TMEM63C: variants seen among roughly 807,000 people sequenced by gnomAD.
TMEM63C encodes osmosensitive cation channel TMEM63C.
TMEM63C carries 32 observed loss-of-function variants against 99.2 expected under a neutral mutation model. The ratio of observed to expected loss-of-function variants is 0.32; its 90% CI spans 0.24 to 0.43. TMEM63C has a LOEUF of 0.43. Ranked by LOEUF, TMEM63C falls within the 20% of genes least tolerant of loss-of-function variation. The pLI is 1.00. For synonymous variants in TMEM63C, 376 were observed against 397.9 expected (o/e 0.94, Z 0.66); for missense variants, 826 against 1,053.0 (o/e 0.78, Z 2.98).
intron 1 of TMEM63C, among the ~76,000 whole-genome samples, chr14:77,209,687 G>A (rs1023352587): frequency 6.6e-6 from 1 of 152,192 alleles, no homozygotes; most frequent in Admixed American, 6.5e-5. Context: ...TACAATATAA[G>A]CTGGACTCAG....
chr14:77,240,127 C>A (rs1366888888), intron 12 of TMEM63C, among the ~76,000 whole-genome samples: 1 of 152,214 alleles, frequency 6.6e-6, no homozygotes. Flanking sequence ...ACTCAGACAC[C>A]TGCTTCAGGA....
In TMEM63C at chr14:77,233,398, G is replaced by A. The variant is rs370912142; in HGVS notation, c.494-54G>A. On this transcript the variant is annotated intron_variant, in intron 7 of 23. Coordinates refer to ENST00000298351, the MANE Select transcript of TMEM63C (RefSeq NM_020431.4). Reference sequence around the variant, plus strand: ...TTGTCCAGGAACCTTGAATTCTGGCGCCCCCAGCAACTGAGGAGCCAGGCT... The same window carrying A: ...TTGTCCAGGAACCTTGAATTCTGGCACCCCCAGCAACTGAGGAGCCAGGCT... 4.9e-5 allele frequency: 77 copies of A among 1,583,930 alleles called. 1 individual carries two copies. The highest frequency in any genetic ancestry group is 4.1e-4 in the South Asian group (36 of 87,828).
rs764757060 is a variant in TMEM63C at position 77,253,365 on chromosome 14, C to T, written c.2209C>T (p.Pro737Ser). ...GGAGCCAAGCAGCACCTCCTCCACG[C>T]CCACCTCCCTCGTGAGTCCTGAGTC... is the stretch of plus-strand genomic sequence containing the variant. ...DMEPSSTSST[P>S]TSLLYVATVL... Residue 737 changes from proline to serine, a missense_variant, in exon 23 of 24, where the codon CCC (proline) becomes TCC (serine). Transcript: ENST00000298351. 6.2e-7 allele frequency: 1 copy of T among 1,611,478 alleles called. No individual in the cohort carries two copies.
chr14:77,208,996 C>T (rs1388612521), intron 1 of TMEM63C, among the ~76,000 whole-genome samples: 2 of 152,090 alleles, frequency 1.3e-5, no homozygotes, highest in African/African-American at 4.8e-5. Flanking sequence ...CATGCTGAGG[C>T]TTCAGGAGTG....
chr14:77,244,561 G>A (rs1407450811), intron 16 of TMEM63C, 106 bp downstream of exon 16: 16 of 840,128 alleles, frequency 1.9e-5, no homozygotes, highest in Middle Eastern at 2.3e-4. Context: ...AGCCTAAGAA[G>A]GAGAATTGAT....
intron 1 of TMEM63C, among the ~76,000 whole-genome samples, chr14:77,186,491 C>G (rs925373147): frequency 6.6e-6 from 1 of 152,010 alleles, no homozygotes; most frequent in African/African-American, 2.4e-5. Flanking sequence ...ATTGCTTGAG[C>G]CCAGGAGTTC....
chr14:77,246,674 A>C lies in TMEM63C; in HGVS notation c.1601A>C (p.Gln534Pro), dbSNP rs187745061. ...YYLEQASIRF[Q>P]CVFLPDNGAF... ...CTAGAGCAAGCATCCATCAGGTTCC[A>C]GTGAGTACTCCCATGTGTCCACCAG... Residue 534 changes from glutamine (Q) to proline (P), a missense_variant and splice_region_variant, in exon 18 of 24, where the codon CAG (glutamine) becomes CCG (proline). Gln to Pro is a moderately conservative substitution (Grantham distance 76). Transcript: ENST00000298351. The C allele has an allele frequency of 6.8e-5, 109 of 1,612,826 alleles. No individual in the cohort carries two copies. The Admixed American group carries it at 1.8e-3, about 26-fold the overall frequency.
chr14:77,249,160 C>G, intron 20 of TMEM63C, 131 bp from the exon 21 acceptor site: 1 of 996,170 alleles, frequency 1.0e-6, no homozygotes. Flanking sequence ...CACGGAGCTC[C>G]CCCAACCCAT....
In TMEM63C at chr14:77,220,077, G is replaced by A. The variant is rs371335926; in HGVS notation, c.302G>A (p.Arg101His). 8.3e-6 allele frequency: 13 copies of A among 1,557,850 alleles called. No homozygotes were observed. Among genetic ancestry groups the A allele is most frequent in the Admixed American group, 5.8e-5 (3 of 51,730 alleles). ...SPSETSLEMERRDKGFCSWFF... is the reference protein window; with the variant it reads ...SPSETSLEMEHRDKGFCSWFF... ...TCGGAGACTTCCTTGGAGATGGAAC[G>A]CAGAGACAAGGTGAGTGCTGGGAGC... is the stretch of plus-strand genomic sequence containing the variant. Residue 101 changes from arginine to histidine, a missense_variant, in exon 5 of 24, where the codon CGC (arginine) becomes CAC (histidine). Arg to His is a conservative substitution (Grantham distance 29). Transcript: ENST00000298351.
chr14:77,184,868 C>G (rs983633527), intron 1 of TMEM63C, among the ~76,000 whole-genome samples: 10 of 152,164 alleles, frequency 6.6e-5, no homozygotes, highest in African/African-American at 1.7e-4. Context: ...TGTCCTTGCT[C>G]TAGATCTGTC....
chr14:77,245,786 A>T (rs1465770516), intron 16 of TMEM63C, among the ~76,000 whole-genome samples, 154 bp from the exon 17 acceptor site: 3 of 152,206 alleles, frequency 2.0e-5, no homozygotes, highest in African/African-American at 7.2e-5. Flanking sequence ...TCCCTCCCAC[A>T]ACATGTGGGA....
intron 1 of TMEM63C, among the ~76,000 whole-genome samples, 198 bp from the exon 2 acceptor site, chr14:77,213,248 C>G (rs958507847): frequency 3.3e-5 from 5 of 152,160 alleles, no homozygotes; most frequent in Admixed American, 6.5e-5. Context: ...AACTTTTACA[C>G]TTCAAAAGAC....
At chr14:77,196,606 G>A (rs1888218944) in intron 1 of TMEM63C, among the ~76,000 whole-genome samples, 2 of 152,150 alleles carry the variant, frequency 1.3e-5, no homozygotes, top group South Asian at 2.1e-4. Context: ...CCTAGAATCC[G>A]GCCAGATGTG....
chr14:77,249,448 C>T lies in TMEM63C; in HGVS notation c.2028C>T (p.Ile676=), dbSNP rs764771433. ...LGLFWMLFFS[I]LRLGSLHAIT... ...TGTTCTGGATGCTGTTCTTCTCCAT[C>T]CTGCGGTTGGGTAGGTACCAAGCCA... Residue 676 remains isoleucine (I), a synonymous_variant, in exon 21 of 24, where the codon ATC becomes ATT. Coordinates refer to ENST00000298351, the MANE Select transcript of TMEM63C (RefSeq NM_020431.4). 54 of 1,613,914 alleles carry T rather than the reference C, an allele frequency of 3.3e-5. 1 individual carries two copies. The Admixed American group carries it at 8.7e-4, about 26-fold the overall frequency.
chr14:77,219,958 G>C (rs773213241), intron 4 of TMEM63C, 48 bp from the exon 5 acceptor site: 3 of 1,531,358 alleles, frequency 2.0e-6, no homozygotes, highest in East Asian at 4.9e-5. Context: ...AGGCAGCTGA[G>C]AACTTTTCTC....
At chr14:77,243,078 G>A in intron 15 of TMEM63C, 22 bp downstream of exon 15, 1 of 1,612,646 alleles carries the variant, frequency 6.2e-7, no homozygotes, top group Non-Finnish European at 8.5e-7. Flanking sequence ...GCTCAGGCCA[G>A]GCCTGGGGAC....
chr14:77,214,080 A>G (rs1888538418), intron 2 of TMEM63C, among the ~76,000 whole-genome samples: 1 of 151,768 alleles, frequency 6.6e-6, no homozygotes, highest in African/African-American at 2.4e-5. Context: ...TTCCTTCTCC[A>G]TCCCCATCTC....
At chr14:77,241,054 G>A (rs1266119699) in intron 13 of TMEM63C, among the ~76,000 whole-genome samples, 5 of 149,768 alleles carry the variant, frequency 3.3e-5, no homozygotes, top group Non-Finnish European at 5.9e-5. Flanking sequence ...AGGTTCAAGC[G>A]ATTCTCCTGC....
chr14:77,183,662 A>G (rs1887949665), intron 1 of TMEM63C, among the ~76,000 whole-genome samples: 2 of 152,286 alleles, frequency 1.3e-5, no homozygotes, highest in South Asian at 4.1e-4. Flanking sequence ...AGGAGTTGCC[A>G]TGTGCCTGGC....
Sources: allele counts gnomAD v4.1 joint callset (sites outside exome capture counted in the v4.1 genomes callset), GRCh38; gene constraint gnomAD v4.1.1; transcripts MANE v1.5; gene names NCBI Gene and HGNC (gene_info 2026-07-23, HGNC 2026-07-21).